Variants in FSTL4 observed in about 807,000 individuals in gnomAD.
FSTL4 encodes the protein follistatin-related protein 4.
FSTL4 carries 28 observed loss-of-function variants against 78.2 expected under a neutral mutation model. The ratio of observed to expected loss-of-function variants is 0.36; its 90% CI spans 0.27 to 0.49. FSTL4 has a LOEUF of 0.49. Among genes scored for constraint, FSTL4 ranks in the 20% least tolerant of loss-of-function variants. FSTL4 has a pLI of 0.98. For synonymous variants in FSTL4, 422 were observed against 440.5 expected (o/e 0.96, Z 0.53); for missense variants, 922 against 1,084.9 (o/e 0.85, Z 2.11).
At chr5:133,701,509 A>ACACACAC in the FSTL4 span, among the ~76,000 whole-genome samples, 3,327 of 132,494 alleles carry the variant, frequency 0.025, 151 homozygotes, top group African/African-American at 0.087. Context: ...ACACACACAC[A>ACACACAC]CCCCACAGGC....
At chr5:133,290,436 C>T (rs756467009) in intron 6 of FSTL4, among the ~76,000 whole-genome samples, 5 of 152,244 alleles carry the variant, frequency 3.3e-5, no homozygotes, top group Non-Finnish European at 7.3e-5. Flanking sequence ...GGAGATAAGG[C>T]AAAGCTTCCA....
the FSTL4 span, among the ~76,000 whole-genome samples, chr5:133,709,338 C>T: frequency 1.3e-5 from 2 of 152,232 alleles, no homozygotes; most frequent in Non-Finnish European, 2.9e-5. Context: ...GTCAGATAAA[C>T]CACATTCTCT....
chr5:133,469,789 A>T (rs192681676), intron 3 of FSTL4, among the ~76,000 whole-genome samples: 1 of 152,216 alleles, frequency 6.6e-6, no homozygotes, highest in African/African-American at 2.4e-5. Context: ...AGGACAGAGG[A>T]CACCTCAGTC....
the FSTL4 span, among the ~76,000 whole-genome samples, chr5:133,761,282 T>C: frequency 1.3e-5 from 2 of 152,186 alleles, no homozygotes; most frequent in Non-Finnish European, 2.9e-5. Flanking sequence ...AAGCCTACAT[T>C]GAAATTTCAT....
chr5:133,517,422 CAAAAAAA>C (rs34374583), intron 3 of FSTL4, among the ~76,000 whole-genome samples: 19 of 10,600 alleles, frequency 1.8e-3, no homozygotes, highest in Admixed American at 1.0e-2. Flanking sequence ...GACTCCATCT[CAAAAAAA>C]AAAAAAAAAA....
chr5:133,448,517 A>G (rs978912532), intron 3 of FSTL4, among the ~76,000 whole-genome samples: 3 of 152,216 alleles, frequency 2.0e-5, no homozygotes, highest in South Asian at 2.1e-4. Flanking sequence ...CGGGGCTCAC[A>G]GTAGAGGGCA....
chr5:133,636,249 G>A, the FSTL4 span, among the ~76,000 whole-genome samples: 1 of 152,208 alleles, frequency 6.6e-6, no homozygotes, highest in Admixed American at 6.5e-5. Context: ...TAGTCTGGCA[G>A]GGAGAGAGGC....
At chr5:133,535,150 T>C (rs1247641126) in intron 3 of FSTL4, among the ~76,000 whole-genome samples, 5 of 152,218 alleles carry the variant, frequency 3.3e-5, no homozygotes, top group Non-Finnish European at 7.3e-5. Context: ...CAGACAGCTA[T>C]CTACAAGCCA....
intron 7 of FSTL4, among the ~76,000 whole-genome samples, chr5:133,245,298 T>G (rs7736339): frequency 0.22 from 32,799 of 151,938 alleles, 4,293 homozygotes; most frequent in East Asian, 0.48. Flanking sequence ...CTCCCCTCAC[T>G]TCTGGACCCT....
chr5:133,770,067 GGTGTGTGTGGGTGTGTTT>G, the FSTL4 span, among the ~76,000 whole-genome samples: 1 of 151,710 alleles, frequency 6.6e-6, no homozygotes, highest in African/African-American at 2.4e-5. Context: ...TATTCCGTGG[GGTGTGTGTGGGTGTGTTT>G]GTGTGTGTGG....
At chr5:133,421,364 C>T (rs1207448040) in intron 3 of FSTL4, among the ~76,000 whole-genome samples, 1 of 152,258 alleles carries the variant, frequency 6.6e-6, no homozygotes, top group Non-Finnish European at 1.5e-5. Context: ...CTAGCTGAGG[C>T]TCTACATTTG....
At chr5:133,485,209 G>A (rs188493130) in intron 3 of FSTL4, among the ~76,000 whole-genome samples, 2 of 152,294 alleles carry the variant, frequency 1.3e-5, no homozygotes, top group East Asian at 1.9e-4. Context: ...TTCAGCAGCC[G>A]CTGCTGTAGG....
At chr5:133,386,609 G>A (rs998932565) in intron 4 of FSTL4, among the ~76,000 whole-genome samples, 20 of 152,132 alleles carry the variant, frequency 1.3e-4, no homozygotes, top group African/African-American at 4.1e-4. Flanking sequence ...TGGAAAGTTT[G>A]TTCCTTTAAA....
chr5:133,508,550 G>A (rs975662700), intron 3 of FSTL4, among the ~76,000 whole-genome samples: 21 of 152,300 alleles, frequency 1.4e-4, no homozygotes, highest in Admixed American at 1.2e-3. Context: ...CAGTGTAATC[G>A]TACAGGACTT....
rs199581768 is a variant in FSTL4, at chr5:133,312,723, C to G, written c.658G>C (p.Asp220His). The G allele has an allele frequency of 1.9e-6, 3 of 1,613,308 alleles. No homozygotes were observed. The highest frequency in any genetic ancestry group is 1.7e-5 in the Admixed American group (1 of 60,008). The change falls in exon 6 of 16, where the codon GAC becomes CAC. Residue 220 changes from aspartate to histidine, a missense_variant. Asp to His is a moderately conservative substitution (Grantham distance 81). Coordinates refer to ENST00000265342, the MANE Select transcript of FSTL4 (RefSeq NM_015082.2). ...TTGTAATCGTCAAATCGGAGGAGGT[C>G]ACCTGGTGAGCAACCAAGTAAGTCT... ...DEDLLGCSPG[D>H]LLRFDDYNSD... is the part of the protein sequence containing the mutation.
At chr5:133,214,439 T>TA (rs773879793) in intron 13 of FSTL4, among the ~76,000 whole-genome samples, 38 of 152,204 alleles carry the variant, frequency 2.5e-4, no homozygotes, top group Non-Finnish European at 5.3e-4. Context: ...AACAAGCCTT[T>TA]ACTGGGGAAA....
intron 4 of FSTL4, among the ~76,000 whole-genome samples, chr5:133,395,591 T>G (rs888111139): frequency 6.6e-6 from 1 of 152,218 alleles, no homozygotes; most frequent in Non-Finnish European, 1.5e-5. Flanking sequence ...CTTCCCTGCT[T>G]GGCACACAAG....
chr5:133,355,104 A>T (rs897143866), intron 4 of FSTL4, among the ~76,000 whole-genome samples: 1 of 152,218 alleles, frequency 6.6e-6, no homozygotes, highest in African/African-American at 2.4e-5. Flanking sequence ...AAAGAGGCGT[A>T]GCATCCTGAC....
chr5:133,726,062 G>T, the FSTL4 span, among the ~76,000 whole-genome samples: 2 of 152,146 alleles, frequency 1.3e-5, no homozygotes, highest in Non-Finnish European at 2.9e-5. Context: ...TCTCCAGAAC[G>T]CTGGGTGATC....
Sources: gnomAD v4.1 joint callset for allele counts (sites outside exome capture counted in the v4.1 genomes callset) on GRCh38, gnomAD v4.1.1 for gene constraint, MANE v1.5 for transcripts, NCBI Gene and HGNC (gene_info 2026-07-23, HGNC 2026-07-21) for gene names.